Variants in GRK5 observed in about 807,000 individuals in gnomAD.
The protein encoded by GRK5 is G protein-coupled receptor kinase 5, also known as g protein-coupled receptor kinase GRK5.
Under a neutral mutation model 78.4 loss-of-function variants are expected in GRK5, and 40 were observed. That is an observed-to-expected ratio of 0.51 (90% CI 0.40 to 0.66). The LOEUF (loss-of-function observed/expected upper bound fraction) is 0.66. Among genes scored for constraint, GRK5 ranks in the 30% least tolerant of loss-of-function variants. The probability of loss-of-function intolerance (pLI) is 0.00; values close to 1 mark genes in which losing one functional copy is unlikely to be tolerated. For missense variants in GRK5, 598 were observed against 759.9 expected, an observed-to-expected ratio of 0.79 and a Z score of 2.50; for synonymous variants, 289 against 296.8, an observed-to-expected ratio of 0.97 and a Z score of 0.27.
At chr10:119,342,592 C>T (rs750945207) in intron 2 of GRK5, among the ~76,000 whole-genome samples, 3 of 152,186 alleles carry the variant, frequency 2.0e-5, no homozygotes, top group Non-Finnish European at 4.4e-5. Context: ...TTGTCATCAA[C>T]CGTCCCGTGC....
intron 1 of GRK5, among the ~76,000 whole-genome samples, chr10:119,284,671 T>A (rs2133694046): frequency 6.6e-6 from 1 of 152,288 alleles, no homozygotes; most frequent in Non-Finnish European, 1.5e-5. Context: ...GGGTGAATAT[T>A]GGGAGTTGTT....
chr10:119,434,149 A>G (rs1182896566), intron 8 of GRK5, among the ~76,000 whole-genome samples: 1 of 152,206 alleles, frequency 6.6e-6, no homozygotes, highest in African/African-American at 2.4e-5. Context: ...GGTCCCTCCC[A>G]CAACACATAG....
At chr10:119,362,237 C>T (rs936963787) in intron 2 of GRK5, among the ~76,000 whole-genome samples, 5 of 152,222 alleles carry the variant, frequency 3.3e-5, no homozygotes, top group African/African-American at 1.2e-4. Flanking sequence ...TCATGCTCAC[C>T]ACCAAACTTC....
rs117933675 is a variant in GRK5, at chr10:119,338,499, T to A, written c.148+11888T>A. Among the ~76,000 whole-genome samples, 1,222 of 152,366 alleles carry A rather than the reference T, an allele frequency of 8.0e-3. 5 individuals are homozygous for A. Among genetic ancestry groups the A allele is most frequent in the Non-Finnish European group, 0.015 (992 of 68,040 alleles). ...ATGTGGTTTTGTTTCTTACCTCTTTTCTTAACATAGTATCAAAAATGTTTT... is the reference window on the plus strand; with the variant it reads ...ATGTGGTTTTGTTTCTTACCTCTTTACTTAACATAGTATCAAAAATGTTTT... On this transcript the variant is annotated intron_variant, in intron 2 of 15. Transcript: ENST00000392870.
At chr10:119,343,007 T>C (rs781165625) in intron 2 of GRK5, among the ~76,000 whole-genome samples, 1 of 152,116 alleles carries the variant, frequency 6.6e-6, no homozygotes, top group Non-Finnish European at 1.5e-5. Flanking sequence ...CTATTCAGCT[T>C]TCACCCTGGG....
chr10:119,313,080 G>GTGA (rs1554905490), intron 1 of GRK5, among the ~76,000 whole-genome samples: 2 of 149,128 alleles, frequency 1.3e-5, no homozygotes, highest in African/African-American at 2.5e-5. Context: ...GATGGTGGTG[G>GTGA]TGGTGGTGAT....
chr10:119,338,656 CA>C (rs1850933960), intron 2 of GRK5, among the ~76,000 whole-genome samples: 1 of 152,186 alleles, frequency 6.6e-6, no homozygotes. Context: ...TGCCCTCCTG[CA>C]GGTGAAATGA....
chr10:119,296,919 C>T (rs1850091659), intron 1 of GRK5, among the ~76,000 whole-genome samples: 1 of 152,236 alleles, frequency 6.6e-6, no homozygotes. Context: ...ACATACTGGT[C>T]ACCCTGTGGG....
At chr10:119,386,912 T>C (rs1309703170) in intron 3 of GRK5, among the ~76,000 whole-genome samples, 1 of 152,220 alleles carries the variant, frequency 6.6e-6, no homozygotes, top group Non-Finnish European at 1.5e-5. Context: ...CCCATCTCTC[T>C]GTTGAATTTC....
intron 1 of GRK5, among the ~76,000 whole-genome samples, chr10:119,229,962 G>A (rs1848798956): frequency 1.3e-5 from 2 of 152,256 alleles, no homozygotes; most frequent in Admixed American, 1.3e-4. Flanking sequence ...CTTCCAGCCT[G>A]TGCTGTGGGG....
intron 1 of GRK5, among the ~76,000 whole-genome samples, chr10:119,248,997 G>A (rs781582077): frequency 5.9e-5 from 9 of 152,074 alleles, no homozygotes; most frequent in Non-Finnish European, 1.2e-4. Flanking sequence ...AGCTGGGCGC[G>A]GTGGCTCATG....
At chr10:119,265,647 T>C (rs1355517612) in intron 1 of GRK5, among the ~76,000 whole-genome samples, 15 of 152,242 alleles carry the variant, frequency 9.9e-5, no homozygotes, top group Admixed American at 9.8e-4. Context: ...CCACCCAGTC[T>C]ATGGCAGCCT....
chr10:119,226,131 G>A (rs377609336), intron 1 of GRK5, among the ~76,000 whole-genome samples: 25 of 151,644 alleles, frequency 1.6e-4, no homozygotes, highest in South Asian at 1.5e-3. Context: ...ACAGGCATGA[G>A]CCAGCACCCG....
rs1848596174 is a variant in GRK5, at chr10:119,217,660, C to A, written c.52+9691C>A. 6.6e-6 allele frequency among the ~76,000 whole-genome samples: 1 copy of A among 152,216 alleles called. No individual in the cohort carries two copies. Among genetic ancestry groups the A allele is most frequent in the Admixed American group, 6.5e-5 (1 of 15,286 alleles). On this transcript the variant is annotated intron_variant, in intron 1 of 15. Transcript: ENST00000392870. This position sits in a 1 kb window ranked among gnomAD's most constrained non-coding sequence, Gnocchi z 4.1. ...ACAGTCATGGGAGTTTAGGTGTGGG[C>A]CACATCATTGGCAGCAGCACCACCT...
At chr10:119,438,605 A>C (rs1852970550) in intron 9 of GRK5, among the ~76,000 whole-genome samples, 1 of 151,986 alleles carries the variant, frequency 6.6e-6, no homozygotes. Flanking sequence ...AAAAAGAAAA[A>C]AGAAAGCCCT....
At chr10:119,284,156 G>T (rs1425007934) in intron 1 of GRK5, among the ~76,000 whole-genome samples, 2 of 152,146 alleles carry the variant, frequency 1.3e-5, no homozygotes, top group South Asian at 2.1e-4. Context: ...CTAGGCCAGC[G>T]CTGTCCAGTG....
chr10:119,339,398 C>T (rs904308804), intron 2 of GRK5, among the ~76,000 whole-genome samples: 1 of 152,166 alleles, frequency 6.6e-6, no homozygotes, highest in South Asian at 2.1e-4. Flanking sequence ...TTTGCCAGAG[C>T]TCAGGCCATT....
Position 119,424,983 on chromosome 10 carries a change from T to C in GRK5, c.441-10T>C. 6.3e-7 allele frequency: 1 copy of C among 1,584,458 alleles called. No individual in the cohort carries two copies. The highest frequency in any genetic ancestry group is 8.7e-7 in the Non-Finnish European group (1 of 1,152,884). On this transcript the variant is annotated splice_polypyrimidine_tract_variant and intron_variant, in intron 5 of 15. Coordinates refer to ENST00000392870, the MANE Select transcript of GRK5 (RefSeq NM_005308.3). ...ATAAAATGTTCATCCTCTTGTTCCA[T>C]CTGCACTAGGTCTGTCCACGAGTAC...
intron 1 of GRK5, among the ~76,000 whole-genome samples, chr10:119,304,148 A>G (rs1183008685): frequency 6.6e-6 from 1 of 152,132 alleles, no homozygotes; most frequent in Non-Finnish European, 1.5e-5. Context: ...TAGAGACATG[A>G]CCAAGAGGCA....
Sources: gnomAD v4.1 joint callset for allele counts (sites outside exome capture counted in the v4.1 genomes callset) on GRCh38, gnomAD v4.1.1 for gene constraint, Gnocchi (gnomAD v3.1) non-coding constraint, MANE v1.5 for transcripts, NCBI Gene and HGNC (gene_info 2026-07-23, HGNC 2026-07-21) for gene names.